The following LGSN variants were observed in gnomAD, a reference collection of about 807,000 sequenced individuals.
LGSN encodes lengsin.
LGSN carries 21 observed loss-of-function variants against 19.5 expected under a neutral mutation model. The ratio of observed to expected loss-of-function variants is 1.07; its 90% CI spans 0.76 to 1.55. The LOEUF (loss-of-function observed/expected upper bound fraction) is 1.55. Ranked by LOEUF, LGSN falls within the 40% of genes most tolerant of loss-of-function variation. LGSN has a pLI of 0.00. For synonymous variants in LGSN, 257 were observed against 215.6 expected, an observed-to-expected ratio of 1.19 and a Z score of -1.68; for missense variants, 673 against 608.5, an observed-to-expected ratio of 1.11 and a Z score of -1.12.
At chr6:63,525,495 A>G in the LGSN span, among the ~76,000 whole-genome samples, 1 of 152,182 alleles carries the variant, frequency 6.6e-6, no homozygotes, top group Non-Finnish European at 1.5e-5. Context: ...AGTTGGTTCC[A>G]GTTTCCACTA....
chr6:63,539,103 A>C, the LGSN span, among the ~76,000 whole-genome samples: 2 of 152,008 alleles, frequency 1.3e-5, no homozygotes, highest in African/African-American at 4.8e-5. Context: ...ATGTTGGCCC[A>C]TGCTGATCTT....
the LGSN span, among the ~76,000 whole-genome samples, chr6:63,334,085 C>T: frequency 1.3e-5 from 2 of 152,100 alleles, no homozygotes; most frequent in Admixed American, 1.3e-4. Flanking sequence ...CCCATTTTAA[C>T]CACTTATATT....
At chr6:63,315,231 C>T (rs75868960) in intron 1 of LGSN, among the ~76,000 whole-genome samples, 5,037 of 152,166 alleles carry the variant, frequency 0.033, 281 homozygotes, top group African/African-American at 0.12. Flanking sequence ...CCAGAAAGGA[C>T]ATTTGACTCA....
chr6:63,531,896 G>A, the LGSN span, among the ~76,000 whole-genome samples: 1 of 151,734 alleles, frequency 6.6e-6, no homozygotes, highest in Admixed American at 6.6e-5. Flanking sequence ...TTGCCTCCCG[G>A]GTTCAAGCAA....
At chr6:63,392,421 G>C in the LGSN span, 1 of 152,314 alleles carries the variant, frequency 6.6e-6, no homozygotes, top group Admixed American at 6.5e-5. Flanking sequence ...CTGTCTCAGG[G>C]GGCATCACTG....
At chr6:63,434,957 T>C in the LGSN span, among the ~76,000 whole-genome samples, 1 of 152,196 alleles carries the variant, frequency 6.6e-6, no homozygotes, top group Non-Finnish European at 1.5e-5. Flanking sequence ...CCAAAGAAAC[T>C]TTTCTCCTTA....
the LGSN span, among the ~76,000 whole-genome samples, chr6:63,345,695 A>G: frequency 6.6e-6 from 1 of 152,196 alleles, no homozygotes; most frequent in Non-Finnish European, 1.5e-5. Flanking sequence ...TTCTGCTTAC[A>G]TCCCACTGGT....
chr6:63,330,806 T>G, the LGSN span, among the ~76,000 whole-genome samples: 8,049 of 152,274 alleles, frequency 0.053, 709 homozygotes, highest in African/African-American at 0.18. Context: ...TAAGCTACCA[T>G]GTATCTCCAA....
chr6:63,460,289 C>T, the LGSN span, among the ~76,000 whole-genome samples: 1 of 151,728 alleles, frequency 6.6e-6, no homozygotes, highest in African/African-American at 2.4e-5. Context: ...CCTTCTACTT[C>T]TGACCTTCAT....
the LGSN span, among the ~76,000 whole-genome samples, chr6:63,449,973 ATG>A: frequency 6.6e-6 from 1 of 152,114 alleles, no homozygotes; most frequent in Non-Finnish European, 1.5e-5. Context: ...ATGTATCTGA[ATG>A]TGTGTGTGAG....
At chr6:63,479,925 G>C in the LGSN span, among the ~76,000 whole-genome samples, 1 of 152,114 alleles carries the variant, frequency 6.6e-6, no homozygotes, top group Non-Finnish European at 1.5e-5. Flanking sequence ...TACCTCTCTA[G>C]TCACTGGAGA....
chr6:63,450,339 C>T, the LGSN span, among the ~76,000 whole-genome samples: 12 of 151,264 alleles, frequency 7.9e-5, no homozygotes, highest in African/African-American at 2.7e-4. Flanking sequence ...CCAGCCTGGG[C>T]GACAGAGTGA....
At chr6:63,300,778 C>G (rs1768150640) in intron 1 of LGSN, among the ~76,000 whole-genome samples, 1 of 151,828 alleles carries the variant, frequency 6.6e-6, no homozygotes, top group African/African-American at 2.4e-5. Flanking sequence ...TAAATTTATG[C>G]CTTAGCATCT....
the LGSN span, chr6:63,548,817 T>G: frequency 1.3e-6 from 1 of 745,970 alleles, no homozygotes; most frequent in Non-Finnish European, 2.4e-6. Flanking sequence ...GCGGATCTCA[T>G]TGTATCTGTC....
chr6:63,384,848 T>G, the LGSN span, among the ~76,000 whole-genome samples: 2 of 152,188 alleles, frequency 1.3e-5, no homozygotes, highest in East Asian at 1.9e-4. Flanking sequence ...GTTACTAAAA[T>G]TAAATGAGGT....
chr6:63,492,678 C>A, the LGSN span, among the ~76,000 whole-genome samples: 1 of 152,190 alleles, frequency 6.6e-6, no homozygotes, highest in Admixed American at 6.5e-5. Flanking sequence ...CACACAAAGA[C>A]AGCAAAGCTT....
the LGSN span, among the ~76,000 whole-genome samples, chr6:63,412,159 G>T: frequency 6.6e-6 from 1 of 152,092 alleles, no homozygotes; most frequent in East Asian, 1.9e-4. Flanking sequence ...TTGAGGTCAG[G>T]AGTTCGAGAC....
intron 1 of LGSN, among the ~76,000 whole-genome samples, chr6:63,302,170 T>C (rs1194594437): frequency 6.6e-6 from 1 of 152,166 alleles, no homozygotes; most frequent in Non-Finnish European, 1.5e-5. Flanking sequence ...ATTATGAATA[T>C]GTATTTCAAA....
the LGSN span, among the ~76,000 whole-genome samples, chr6:63,522,213 G>A: frequency 6.6e-6 from 1 of 152,130 alleles, no homozygotes; most frequent in Non-Finnish European, 1.5e-5. Flanking sequence ...TTTCTCCAAA[G>A]TATTTTAAGG....
Sources: gnomAD v4.1 joint callset for allele counts (sites outside exome capture counted in the v4.1 genomes callset) on GRCh38, gnomAD v4.1.1 for gene constraint, MANE v1.5 for transcripts, NCBI Gene and HGNC (gene_info 2026-07-23, HGNC 2026-07-21) for gene names.